The following APBA2 variants were observed in gnomAD, a reference collection of about 807,000 sequenced individuals.
APBA2 encodes amyloid-beta A4 precursor protein-binding family A member 2.
APBA2 carries 30 observed loss-of-function variants against 75.0 expected under a neutral mutation model. The observed-to-expected ratio is 0.40, with a 90% CI of 0.30 to 0.54. The LOEUF (loss-of-function observed/expected upper bound fraction) is 0.54, where lower values mean the gene tolerates loss of function less well. APBA2 is among the 20% of genes least tolerant of loss of function. The probability of loss-of-function intolerance (pLI) is 0.49; values close to 1 mark genes in which losing one functional copy is unlikely to be tolerated. For synonymous variants in APBA2, 444 were observed against 409.6 expected, an observed-to-expected ratio of 1.08 and a Z score of -1.01; for missense variants, 801 against 1,016.1, an observed-to-expected ratio of 0.79 and a Z score of 2.88.
chr15:29,104,067 C>T (rs767575721), intron 10 of APBA2, among the ~76,000 whole-genome samples: 1 of 152,266 alleles, frequency 6.6e-6, no homozygotes, highest in Non-Finnish European at 1.5e-5. Context: ...GGCAGGCCGC[C>T]TGCTGCGCGC....
At chr15:28,942,824 A>G (rs2152707501) in intron 2 of APBA2, among the ~76,000 whole-genome samples, 1 of 152,204 alleles carries the variant, frequency 6.6e-6, no homozygotes, top group East Asian at 1.9e-4. Context: ...CTGCAGGGAG[A>G]GAGAGAAGGC....
intron 4 of APBA2, among the ~76,000 whole-genome samples, chr15:29,067,325 A>G (rs972434024): frequency 1.3e-5 from 2 of 152,230 alleles, no homozygotes; most frequent in Non-Finnish European, 1.5e-5. Flanking sequence ...AGATGTAGCC[A>G]CAGTGGGGAT....
chr15:29,083,964 A>G (rs2043186774), intron 6 of APBA2, among the ~76,000 whole-genome samples: 1 of 152,226 alleles, frequency 6.6e-6, no homozygotes, highest in African/African-American at 2.4e-5. Flanking sequence ...AAGCTCATTT[A>G]TCTTCATCGG....
chr15:29,104,768 C>T (rs1022903330), intron 10 of APBA2, among the ~76,000 whole-genome samples: 10 of 152,148 alleles, frequency 6.6e-5, no homozygotes, highest in Non-Finnish European at 1.5e-5. Context: ...AGTCCATTTT[C>T]GGCATCAGAT....
Position 28,931,577 on chromosome 15 carries a change from C to T in APBA2, c.-95+9828C>T, listed in dbSNP as rs149864240. Reference sequence around the variant, plus strand: ...GCAGCGCTGCTCCATAGGGTCCAGCCGGGGAAGCATCTGGCTTTGCACAGG... The same window carrying T: ...GCAGCGCTGCTCCATAGGGTCCAGCTGGGGAAGCATCTGGCTTTGCACAGG... On this transcript the variant is annotated intron_variant, in intron 2 of 14. Coordinates refer to ENST00000683413, the MANE Select transcript of APBA2 (RefSeq NM_001353788.2). Among the ~76,000 whole-genome samples the T allele has an allele frequency of 2.1e-3, 318 of 152,234 alleles. 3 individuals are homozygous for T. Among genetic ancestry groups the T allele is most frequent in the African/African-American group, 7.0e-3 (289 of 41,538 alleles).
chr15:29,006,653 G>A lies in APBA2; in HGVS notation c.-41+10847G>A, dbSNP rs139118740. ...TACATGGCAGCAGGCAAGAGAGCTTGTGCAGGGGAACTCTCATTTATAAAA... is the reference window on the plus strand; with the variant it reads ...TACATGGCAGCAGGCAAGAGAGCTTATGCAGGGGAACTCTCATTTATAAAA... On this transcript the variant is annotated intron_variant, in intron 3 of 14. Transcript: ENST00000683413. 1.3e-4 allele frequency among the ~76,000 whole-genome samples: 20 copies of A among 152,296 alleles called. No homozygotes were observed. The East Asian group carries it at 3.9e-3, about 29-fold the overall frequency.
intron 4 of APBA2, among the ~76,000 whole-genome samples, chr15:29,073,018 G>T (rs1183069810): frequency 6.6e-6 from 1 of 152,198 alleles, no homozygotes; most frequent in Non-Finnish European, 1.5e-5. Context: ...AAATCCGGTG[G>T]TGTCTGTGAT....
At chr15:29,055,332 G>A (rs533099786) in intron 4 of APBA2, among the ~76,000 whole-genome samples, 2 of 152,202 alleles carry the variant, frequency 1.3e-5, no homozygotes, top group African/African-American at 2.4e-5. Context: ...CTGAAAGCCC[G>A]GGGGCCTTGG....
At chr15:28,971,954 A>G (rs2037092170) in intron 2 of APBA2, among the ~76,000 whole-genome samples, 1 of 152,236 alleles carries the variant, frequency 6.6e-6, no homozygotes, top group South Asian at 2.1e-4. Flanking sequence ...GCCAAGAAGC[A>G]CAAATGAAAT....
intron 3 of APBA2, among the ~76,000 whole-genome samples, chr15:29,006,908 C>T (rs527434556): frequency 6.6e-6 from 1 of 152,150 alleles, no homozygotes; most frequent in Non-Finnish European, 1.5e-5. Flanking sequence ...TAGGAAAATT[C>T]GTCCTAAAAT....
At chr15:29,010,915 TA>T (rs1275433049) in intron 3 of APBA2, among the ~76,000 whole-genome samples, 2 of 152,160 alleles carry the variant, frequency 1.3e-5, no homozygotes, top group East Asian at 3.9e-4. Flanking sequence ...TACAGTTCGG[TA>T]GTGTTAAGTA....
intron 2 of APBA2, among the ~76,000 whole-genome samples, chr15:28,928,516 G>A (rs2034398495): frequency 6.6e-6 from 1 of 152,140 alleles, no homozygotes; most frequent in African/African-American, 2.4e-5. Context: ...TTACATCTCA[G>A]TCTTTCTGTG....
intron 3 of APBA2, among the ~76,000 whole-genome samples, chr15:29,027,508 C>A (rs1366946773): frequency 6.6e-6 from 1 of 151,624 alleles, no homozygotes; most frequent in Non-Finnish European, 1.5e-5. Context: ...TGTTTTCTTT[C>A]TTTTTCTTGA....
intron 2 of APBA2, among the ~76,000 whole-genome samples, chr15:28,929,806 G>T (rs747359605): frequency 2.0e-5 from 3 of 152,194 alleles, no homozygotes; most frequent in Admixed American, 2.0e-4. Context: ...CTTATGAACA[G>T]ATTTCTAAAC....
intron 6 of APBA2, among the ~76,000 whole-genome samples, chr15:29,085,685 G>C (rs1425353280): frequency 6.6e-6 from 1 of 152,046 alleles, no homozygotes; most frequent in Non-Finnish European, 1.5e-5. Context: ...AGCTTCTTTA[G>C]GTTGTTTTCT....
chr15:29,045,876 C>G (rs1350193413), intron 3 of APBA2, among the ~76,000 whole-genome samples: 1 of 152,198 alleles, frequency 6.6e-6, no homozygotes, highest in Non-Finnish European at 1.5e-5. Flanking sequence ...GTACAGAAGT[C>G]TGCCCACATC....
intron 2 of APBA2, chr15:28,961,523 T>C (rs553587920): frequency 2.6e-5 from 4 of 152,362 alleles, no homozygotes; most frequent in African/African-American, 9.6e-5. Flanking sequence ...TTTGTGAAAA[T>C]CAAGGGAGTC....
At chr15:29,056,229 T>C (rs1193627711) in intron 4 of APBA2, among the ~76,000 whole-genome samples, 1 of 152,204 alleles carries the variant, frequency 6.6e-6, no homozygotes, top group Non-Finnish European at 1.5e-5. Flanking sequence ...GATGGTAATT[T>C]GGGTAAAAAC....
intron 2 of APBA2, among the ~76,000 whole-genome samples, chr15:28,952,366 CA>C (rs1326851499): frequency 6.6e-6 from 1 of 151,192 alleles, no homozygotes; most frequent in Non-Finnish European, 1.5e-5. Context: ...CTTGTCTCTA[CA>C]AAAAAATTAA....
Sources: allele counts gnomAD v4.1 joint callset (sites outside exome capture counted in the v4.1 genomes callset), GRCh38; gene constraint gnomAD v4.1.1; transcripts MANE v1.5; gene names NCBI Gene and HGNC (gene_info 2026-07-23, HGNC 2026-07-21).